The following TNRC6C variants were observed in gnomAD, a reference collection of about 807,000 sequenced individuals.
TNRC6C encodes the protein trinucleotide repeat containing adaptor 6C.
In TNRC6C, 20 loss-of-function variants were observed where a neutral mutation model predicts 153.7. The ratio of observed to expected loss-of-function variants is 0.13; its 90% CI spans 0.09 to 0.19. The LOEUF is 0.19. Among genes scored for constraint, TNRC6C ranks in the 10% least tolerant of loss-of-function variants. The pLI, the probability that TNRC6C is intolerant of heterozygous loss-of-function variation, is 1.00. For missense variants in TNRC6C, 1,987 were observed against 2,172.0 expected (o/e 0.91, Z 1.69); for synonymous variants, 811 against 841.4 (o/e 0.96, Z 0.63).
chr17:77,981,132 T>G (rs909335050), intron 1 of TNRC6C, among the ~76,000 whole-genome samples: 5 of 152,152 alleles, frequency 3.3e-5, no homozygotes, highest in Non-Finnish European at 7.4e-5. Flanking sequence ...CGTACCATCA[T>G]GCTAGGCTAA....
chr17:78,077,078 G>C lies in TNRC6C; in HGVS notation c.3061-107G>C, dbSNP rs1016073960. ...TCCCTTATCCACACTTTTTTGATCT[G>C]TTAATTATTTATCCATCCACGCCTC... On this transcript the variant is annotated intron_variant, in intron 8 of 19. Coordinates refer to ENST00000301624, the Ensembl canonical transcript of TNRC6C. 5.4e-6 allele frequency: 7 copies of C among 1,290,716 alleles called. No homozygotes were observed. The East Asian group carries it at 1.0e-4, about 19-fold the overall frequency. The allele number at this position is 1,290,716 out of a possible 1,614,324, so 80.0% of individuals were successfully genotyped here.
intron 2 of TNRC6C, among the ~76,000 whole-genome samples, chr17:78,045,884 C>T (rs1215274135): frequency 6.6e-6 from 1 of 151,306 alleles, no homozygotes; most frequent in East Asian, 1.9e-4. Flanking sequence ...AGAGATTTAA[C>T]ATAATATCAT....
chr17:78,005,042 CT>C (rs751925601), upstream of TNRC6C: 33,325 of 777,318 alleles, frequency 0.043, no homozygotes, highest in Middle Eastern at 0.053. Context: ...CTTTCTCTCT[CT>C]TTTTTTTTTT....
rs147145742 is a variant in TNRC6C at position 78,103,217 on chromosome 17, G to A, written c.4573-197G>A. 9.2e-3 allele frequency among the ~76,000 whole-genome samples: 1,406 copies of A among 152,210 alleles called. 13 individuals carry two copies. The highest frequency in any genetic ancestry group is 0.031 in the South Asian group (148 of 4,824). The stretch of plus-strand genomic sequence containing the variant: ...GCCTAACTTATAAAATGTAACTGAA[G>A]CATCCAAGTTTTTAGTTACACGTTT... On this transcript the variant is annotated intron_variant, in intron 18 of 19. Coordinates refer to ENST00000301624, the Ensembl canonical transcript of TNRC6C.
chr17:78,083,266 A>C (rs1204943452), intron 11 of TNRC6C, 100 bp downstream of exon 13: 1 of 1,506,198 alleles, frequency 6.6e-7, no homozygotes, highest in East Asian at 2.3e-5. Context: ...TCTTCACGTC[A>C]GGGATGTCAT....
chr17:77,958,402 GAGCGCGCACCGCTCGCACCCC>G (rs1245541910), upstream of TNRC6C, among the ~76,000 whole-genome samples: 1 of 151,966 alleles, frequency 6.6e-6, no homozygotes, highest in Admixed American at 6.5e-5. Context: ...CGGCCACTCG[GAGCGCGCACCGCTCGCACCCC>G]GGCGCGCTCC....
At position 78,100,143 on chromosome 17, in the gene TNRC6C, A is replaced by G. The variant is rs568412675; in HGVS notation, c.4501+1606A>G. On this transcript the variant is annotated intron_variant, in intron 17 of 19. Coordinates refer to ENST00000301624, the Ensembl canonical transcript of TNRC6C. ...GTCTTCACGGGCTGGTATTGTCTGC[A>G]GCTTTTCCAGGCACACGGTGCAAGC... Among the ~76,000 whole-genome samples the G allele has an allele frequency of 3.9e-5, 6 of 152,324 alleles. No individual in the cohort carries two copies. The East Asian group carries it at 1.2e-3, about 29-fold the overall frequency.
chr17:77,987,118 A>C (rs1182620407), intron 1 of TNRC6C, among the ~76,000 whole-genome samples: 1 of 152,236 alleles, frequency 6.6e-6, no homozygotes, highest in Non-Finnish European at 1.5e-5. Flanking sequence ...ATTAAAGGTT[A>C]ATGTATTTAA....
intron 1 of TNRC6C, among the ~76,000 whole-genome samples, chr17:78,009,885 A>G (rs1444211942): frequency 6.7e-6 from 1 of 149,544 alleles, no homozygotes; most frequent in Non-Finnish European, 1.5e-5. Flanking sequence ...ATACATCTGA[A>G]TTTATACTTT....
At chr17:78,039,573 A>G (rs1223272661) in intron 2 of TNRC6C, among the ~76,000 whole-genome samples, 2 of 152,214 alleles carry the variant, frequency 1.3e-5, no homozygotes, top group African/African-American at 2.4e-5. Flanking sequence ...CAATTTTGTA[A>G]TGGGCTGACA....
At chr17:77,968,948 A>C (rs545275777) in intron 1 of TNRC6C, among the ~76,000 whole-genome samples, 1 of 152,300 alleles carries the variant, frequency 6.6e-6, no homozygotes, top group East Asian at 1.9e-4. Flanking sequence ...GGTTTGAGGC[A>C]ACAGGGTGAA....
Position 78,102,323 on chromosome 17 carries a change from T to C in TNRC6C, c.4502-151T>C. ...CTGTGAGGTTTTGGTTTACCAAAGA[T>C]AGCATGGGCCTCCCAGGCTGAGAAA... On this transcript the variant is annotated intron_variant, in intron 17 of 19. Transcript: ENST00000301624. 3 of 660,418 alleles carry C rather than the reference T, an allele frequency of 4.5e-6. No individual in the cohort carries two copies. The South Asian group carries it at 5.9e-5, about 13-fold the overall frequency. 40.9% of individuals were successfully genotyped at this position (660,418 alleles called of 1,614,324 possible).
intron 13 of TNRC6C, among the ~76,000 whole-genome samples, chr17:78,088,368 AG>A: frequency 6.6e-6 from 1 of 151,958 alleles, no homozygotes; most frequent in East Asian, 1.9e-4. Context: ...CAACTTGCCT[AG>A]CTGCTGTTTG....
chr17:78,048,338 T>C (rs2072450899), intron 2 of TNRC6C, among the ~76,000 whole-genome samples: 2 of 152,182 alleles, frequency 1.3e-5, no homozygotes, highest in South Asian at 4.1e-4. Context: ...ACCCCAAATA[T>C]TGGTTCTGTT....
chr17:78,024,942 C>T (rs578248835), intron 1 of TNRC6C, among the ~76,000 whole-genome samples: 14 of 150,914 alleles, frequency 9.3e-5, no homozygotes, highest in East Asian at 7.9e-4. Context: ...TACAGGTGTG[C>T]GCCATGACGC....
At chr17:77,957,639 C>T (rs143111705), upstream of TNRC6C, among the ~76,000 whole-genome samples, 1,314 of 152,382 alleles carry the variant, frequency 8.6e-3, 13 homozygotes, top group South Asian at 0.037. Context: ...CACTGCTGAT[C>T]CTCCACTGAA....
At chr17:78,056,720 C>T (rs1033337159) in intron 3 of TNRC6C, among the ~76,000 whole-genome samples, 3 of 151,978 alleles carry the variant, frequency 2.0e-5, no homozygotes, top group Non-Finnish European at 4.4e-5. Flanking sequence ...CAGCCTCGAC[C>T]CCGCAAAGTG....
intron 1 of TNRC6C, among the ~76,000 whole-genome samples, chr17:78,006,834 T>TA (rs1567911310): frequency 5.7e-4 from 86 of 150,134 alleles, no homozygotes; most frequent in African/African-American, 1.3e-3. Flanking sequence ...ATTTATTTTT[T>TA]TTTTTTTTGA....
chr17:78,103,980 G>A (rs551788281), intron 19 of TNRC6C, among the ~76,000 whole-genome samples: 6 of 152,306 alleles, frequency 3.9e-5, no homozygotes, highest in South Asian at 2.1e-4. Context: ...GGGGAAAGGC[G>A]ACACAGGTCA....
Sources: gnomAD v4.1 joint callset for allele counts (sites outside exome capture counted in the v4.1 genomes callset) on GRCh38, gnomAD v4.1.1 for gene constraint, MANE v1.5 for transcripts, NCBI Gene and HGNC (gene_info 2026-07-23, HGNC 2026-07-21) for gene names.